The following MANBA variants were observed in gnomAD, a reference collection of about 807,000 sequenced individuals.
MANBA encodes the protein beta-mannosidase.
A neutral mutation model predicts 111.1 loss-of-function variants in MANBA; 83 were observed. The observed-to-expected ratio is 0.75, with a 90% CI of 0.63 to 0.90. The LOEUF is 0.90. MANBA is among the 40% of genes least tolerant of loss of function. The pLI is 0.00. For synonymous variants in MANBA, 370 were observed against 378.7 expected (o/e 0.98, Z 0.27); for missense variants, 1,036 against 1,069.0 (o/e 0.97, Z 0.43).
In MANBA at chr4:102,723,984, AT is replaced by A; in HGVS notation, c.273-18del. ...TGCCATTTGCTAAAAAAAAGAAAAGATTTTTAAAACAAGATGTGTAAAGCAT... is the reference window on the plus strand; with the variant it reads ...TGCCATTTGCTAAAAAAAAGAAAAGATTTTAAAACAAGATGTGTAAAGCAT... On this transcript the variant is annotated intron_variant, in intron 2 of 16. Coordinates refer to ENST00000647097, the MANE Select transcript of MANBA (RefSeq NM_005908.4). 1 of 1,432,414 alleles carries A rather than the reference AT, an allele frequency of 7.0e-7. No individual in the cohort carries two copies. Among genetic ancestry groups the A allele is most frequent in the Non-Finnish European group, 9.8e-7 (1 of 1,018,478 alleles). 88.7% of individuals were successfully genotyped at this position (1,432,414 alleles called of 1,614,324 possible). A position where few individuals can be genotyped will look rare whatever the true frequency, so the allele number is the denominator to read the frequency against.
chr4:102,693,251 G>A (rs781546518), intron 5 of MANBA, among the ~76,000 whole-genome samples: 2 of 152,024 alleles, frequency 1.3e-5, no homozygotes, highest in African/African-American at 4.8e-5. Flanking sequence ...GTCAAACTAT[G>A]GTCTTTGGGA....
At chr4:102,741,274 TA>T (rs986621395) in intron 1 of MANBA, among the ~76,000 whole-genome samples, 2 of 151,808 alleles carry the variant, frequency 1.3e-5, no homozygotes, top group African/African-American at 4.8e-5. Context: ...TGGCCATAAT[TA>T]AAAAAACAAA....
chr4:102,747,612 T>C (rs1387468191), intron 1 of MANBA, among the ~76,000 whole-genome samples: 1 of 152,248 alleles, frequency 6.6e-6, no homozygotes, highest in African/African-American at 2.4e-5. Flanking sequence ...GTTTCTCCTC[T>C]GTCAAATAGG....
intron 1 of MANBA, chr4:102,752,268 A>C (rs1283664030): frequency 1.3e-5 from 16 of 1,239,358 alleles, no homozygotes; most frequent in Admixed American, 5.1e-5. Context: ...TTTGACAGGA[A>C]ATAAAGTGCT....
chr4:102,693,054 A>C, intron 5 of MANBA, among the ~76,000 whole-genome samples: 1 of 152,182 alleles, frequency 6.6e-6, no homozygotes, highest in East Asian at 1.9e-4. Context: ...TGGACTTAAG[A>C]ACTATTTTTG....
chr4:102,733,933 T>C (rs1220514068), intron 1 of MANBA, among the ~76,000 whole-genome samples: 1 of 152,234 alleles, frequency 6.6e-6, no homozygotes, highest in African/African-American at 2.4e-5. Flanking sequence ...AAAGGATCAG[T>C]GGTTACCATA....
chr4:102,760,655 G>A, intron 1 of MANBA, 63 bp downstream of exon 1: 1 of 1,468,348 alleles, frequency 6.8e-7, no homozygotes, highest in Non-Finnish European at 9.1e-7. Flanking sequence ...GCGGTTCCTG[G>A]GCCCCTCTCA....
intron 14 of MANBA, among the ~76,000 whole-genome samples, chr4:102,637,315 T>C (rs1332180482): frequency 1.3e-5 from 2 of 152,172 alleles, no homozygotes; most frequent in African/African-American, 4.8e-5. Flanking sequence ...ACAGAATCTA[T>C]CTCTCTGATC....
Position 102,727,895 on chromosome 4 carries a change from C to CT in MANBA, c.178-1213dup, listed in dbSNP as rs939973897. 19 of 524,460 alleles carry CT rather than the reference C, an allele frequency of 3.6e-5. No individual in the cohort carries two copies. In the Admixed American group the frequency reaches 5.0e-4, roughly 14 times the overall value. 32.5% of individuals were successfully genotyped at this position (524,460 alleles called of 1,614,324 possible). ...CCCTTGTGAAGGGGCATTTATGAGGCTTTTCACTGCAGAGAATGGAGGCCT... is the reference window on the plus strand; with the variant it reads ...CCCTTGTGAAGGGGCATTTATGAGGCTTTTTCACTGCAGAGAATGGAGGCCT... On this transcript the variant is annotated intron_variant, in intron 1 of 16. Transcript: ENST00000647097.
intron 1 of MANBA, among the ~76,000 whole-genome samples, chr4:102,745,091 T>C (rs1723541983): frequency 6.6e-6 from 1 of 152,162 alleles, no homozygotes; most frequent in African/African-American, 2.4e-5. Context: ...TTACCTGATC[T>C]CCATAAGCCT....
At chr4:102,634,764 C>T (rs2110188329) in intron 16 of MANBA, 24 bp downstream of exon 16, 1 of 1,612,588 alleles carries the variant, frequency 6.2e-7, no homozygotes, top group Non-Finnish European at 8.5e-7. Context: ...CAGTCCCCTG[C>T]CCTCCGCCAT....
intron 1 of MANBA, among the ~76,000 whole-genome samples, chr4:102,741,511 G>A (rs1192148836): frequency 1.3e-5 from 2 of 152,098 alleles, no homozygotes; most frequent in Non-Finnish European, 2.9e-5. Context: ...ACCACAATTC[G>A]CAATTGCAAA....
intron 13 of MANBA, among the ~76,000 whole-genome samples, chr4:102,646,254 G>C (rs544485760): frequency 1.9e-4 from 29 of 152,062 alleles, no homozygotes; most frequent in African/African-American, 7.0e-4. Context: ...CAATGTTAAT[G>C]GTCACTCTTT....
At chr4:102,652,387 T>C (rs1423078319) in intron 12 of MANBA, among the ~76,000 whole-genome samples, 1 of 152,132 alleles carries the variant, frequency 6.6e-6, no homozygotes, top group African/African-American at 2.4e-5. Flanking sequence ...GCCTTCTTAT[T>C]TGTAATAATT....
At chr4:102,729,411 CA>C in intron 1 of MANBA, 1 of 1,140,660 alleles carries the variant, frequency 8.8e-7, no homozygotes, top group Non-Finnish European at 1.3e-6. Flanking sequence ...TGTTCATGCC[CA>C]GGGAGCGGCT....
intron 4 of MANBA, among the ~76,000 whole-genome samples, chr4:102,721,280 C>T (rs1195149272): frequency 3.9e-5 from 6 of 152,056 alleles, no homozygotes; most frequent in Admixed American, 1.3e-4. Context: ...GCCGAGATCT[C>T]GCTACTGCAC....
intron 13 of MANBA, among the ~76,000 whole-genome samples, chr4:102,649,820 A>G (rs1201407749): frequency 2.6e-5 from 4 of 152,092 alleles, no homozygotes; most frequent in Non-Finnish European, 4.4e-5. Flanking sequence ...ACCTATCCCA[A>G]AATCATGAAG....
chr4:102,705,292 T>C (rs1733246567), intron 5 of MANBA, among the ~76,000 whole-genome samples: 1 of 152,140 alleles, frequency 6.6e-6, no homozygotes, highest in Non-Finnish European at 1.5e-5. Context: ...CTACAAGATA[T>C]GCAATGGCAT....
chr4:102,716,441 C>T (rs925841986), intron 4 of MANBA, among the ~76,000 whole-genome samples: 11 of 151,668 alleles, frequency 7.3e-5, no homozygotes, highest in South Asian at 4.1e-4. Flanking sequence ...TGTTTCTGAA[C>T]GTGAAGCCCA....
Sources: gnomAD v4.1 joint callset for allele counts (sites outside exome capture counted in the v4.1 genomes callset) on GRCh38, gnomAD v4.1.1 for gene constraint, MANE v1.5 for transcripts, NCBI Gene and HGNC (gene_info 2026-07-23, HGNC 2026-07-21) for gene names.